CA2: variants seen among roughly 807,000 people sequenced by gnomAD.
CA2 encodes the protein carbonate dehydratase II.
Under a neutral mutation model 27.8 loss-of-function variants are expected in CA2, and 23 were observed. That is an observed-to-expected ratio of 0.83 (90% confidence interval 0.59 to 1.17). The LOEUF (loss-of-function observed/expected upper bound fraction) is 1.17. CA2 is among the 50% of genes most tolerant of loss of function. The pLI is 0.00. For missense variants in CA2, 300 were observed against 314.7 expected (o/e 0.95, Z 0.35); for synonymous variants, 99 against 114.9 (o/e 0.86, Z 0.88).
rs1467175488 is a variant in CA2, at chr8:85,480,911, C to G, written c.*122C>G. The G allele has an allele frequency of 4.2e-6, 4 of 959,708 alleles. No individual in the cohort carries two copies. In the Admixed American group the frequency reaches 7.9e-5, roughly 19 times the overall value. 59.4% of individuals were successfully genotyped at this position (959,708 alleles called of 1,614,324 possible). A position where few individuals can be genotyped will look rare whatever the true frequency, so the allele number is the denominator to read the frequency against. ...GTGTCTAGTTTTCTAGACCCTTCAT[C>G]TCTTACTTGATAGACTTACTAATAA... is the stretch of plus-strand genomic sequence containing the variant. On this transcript the variant is annotated 3_prime_UTR_variant, in exon 7 of 7. Transcript: ENST00000285379.
intron 6 of CA2, 127 bp downstream of exon 6, chr8:85,477,402 T>C (rs554186515): frequency 1.9e-6 from 2 of 1,041,158 alleles, no homozygotes; most frequent in African/African-American, 3.1e-5. Flanking sequence ...ATGGAAATAG[T>C]GCCTTTGATG....
In CA2 at chr8:85,480,859, C is replaced by T; in HGVS notation, c.*70C>T. ...TCCCTTTAGCTAAGCACAGATCTAC[C>T]TTGGTGATTTGGACCCTGGTTGCTT... is the stretch of plus-strand genomic sequence containing the variant. On this transcript the variant is annotated 3_prime_UTR_variant, in exon 7 of 7. Transcript: ENST00000285379. The T allele has an allele frequency of 6.4e-7, 1 of 1,562,304 alleles. No individual in the cohort carries two copies. The highest frequency in any genetic ancestry group is 1.7e-5 in the Admixed American group (1 of 59,188).
At chr8:85,477,496 G>C (rs1811820916) in intron 6 of CA2, among the ~76,000 whole-genome samples, 1 of 150,646 alleles carries the variant, frequency 6.6e-6, no homozygotes, top group African/African-American at 2.4e-5. Flanking sequence ...AAATTGAATA[G>C]TCATTGTAAG....
intron 5 of CA2, 25 bp downstream of exon 5, chr8:85,475,885 C>T (rs1303596714): frequency 6.3e-7 from 1 of 1,589,112 alleles, no homozygotes; most frequent in East Asian, 2.2e-5. Flanking sequence ...TCTGCCACCT[C>T]CTTAGGGTAC....
chr8:85,473,098 A>C (rs1302675234), intron 2 of CA2, among the ~76,000 whole-genome samples: 1 of 152,018 alleles, frequency 6.6e-6, no homozygotes, highest in Non-Finnish European at 1.5e-5. Context: ...ATTCTAAAGA[A>C]TTTGGGAAGC....
chr8:85,468,457 T>C (rs192711834), intron 2 of CA2, among the ~76,000 whole-genome samples: 1 of 152,326 alleles, frequency 6.6e-6, no homozygotes, highest in Non-Finnish European at 1.5e-5. Context: ...AATAAATTTT[T>C]AAAAATCATA....
chr8:85,464,197 G>C, intron 1 of CA2, 82 bp downstream of exon 1: 2 of 1,305,078 alleles, frequency 1.5e-6, no homozygotes, highest in East Asian at 2.8e-5. Context: ...ATGCCGGCCC[G>C]GGGCCCGCAG....
intron 5 of CA2, 28 bp from the exon 6 acceptor site, chr8:85,477,092 T>A (rs1021394340): frequency 6.2e-7 from 1 of 1,613,328 alleles, no homozygotes; most frequent in Non-Finnish European, 8.5e-7. Context: ...ATGTGATAGT[T>A]TGAAGCTGCG....
chr8:85,467,640 C>G (rs978101571), intron 2 of CA2, among the ~76,000 whole-genome samples: 1 of 152,176 alleles, frequency 6.6e-6, no homozygotes, highest in Non-Finnish European at 1.5e-5. Context: ...TTTTCTGAAG[C>G]ATACTGTTTA....
intron 2 of CA2, among the ~76,000 whole-genome samples, chr8:85,466,488 A>C (rs1271110432): frequency 6.6e-6 from 1 of 152,118 alleles, no homozygotes; most frequent in African/African-American, 2.4e-5. Context: ...TATATAGTCA[A>C]CTTGGTTTTG....
At chr8:85,464,142 G>T (rs1311611579) in intron 1 of CA2, 27 bp downstream of exon 1, 1 of 1,531,112 alleles carries the variant, frequency 6.5e-7, no homozygotes. Context: ...GCCAGCGCGG[G>T]GGCGCCCCGA....
At position 85,471,645 on chromosome 8, in the gene CA2, AC is replaced by A. The variant is rs565515680; in HGVS notation, c.233-2046del. On this transcript the variant is annotated intron_variant, in intron 2 of 6. Transcript: ENST00000285379. ...AGTATGGTTTTAGTTAGTTAGTTTT[AC>A]CACTTGGTAGAGTTAATGATTTGAC... Among the ~76,000 whole-genome samples, 41 of 152,224 alleles carry A rather than the reference AC, an allele frequency of 2.7e-4. No individual in the cohort carries two copies. The South Asian group carries it at 8.1e-3, about 30-fold the overall frequency.
At chr8:85,466,089 AT>A (rs1811624954) in intron 2 of CA2, among the ~76,000 whole-genome samples, 2 of 148,496 alleles carry the variant, frequency 1.3e-5, no homozygotes, top group Admixed American at 1.4e-4. Context: ...CAATTACCGT[AT>A]TTATTGGTAA....
chr8:85,479,770 A>C (rs1284286461), intron 6 of CA2, among the ~76,000 whole-genome samples: 4 of 152,214 alleles, frequency 2.6e-5, no homozygotes, highest in Admixed American at 2.6e-4. Flanking sequence ...TTGTTCACTA[A>C]AATGCTGTTT....
chr8:85,480,572 T>C, intron 6 of CA2, 98 bp from the exon 7 acceptor site: 1 of 1,250,178 alleles, frequency 8.0e-7, no homozygotes, highest in Non-Finnish European at 1.1e-6. Context: ...CATGAGCCAC[T>C]GCGCCTGGCC....
At chr8:85,471,797 AAAG>A (rs1811716873) in intron 2 of CA2, among the ~76,000 whole-genome samples, 1 of 152,012 alleles carries the variant, frequency 6.6e-6, no homozygotes, top group African/African-American at 2.4e-5. Context: ...TATTATGAAA[AAAG>A]GGAATTATTT....
intron 6 of CA2, among the ~76,000 whole-genome samples, chr8:85,478,631 C>T (rs1811841997): frequency 6.6e-6 from 1 of 152,206 alleles, no homozygotes; most frequent in African/African-American, 2.4e-5. Flanking sequence ...GCATTAATCC[C>T]TGTACCCTGA....
chr8:85,469,723 T>C (rs1309126541), intron 2 of CA2, among the ~76,000 whole-genome samples: 1 of 152,206 alleles, frequency 6.6e-6, no homozygotes, highest in Non-Finnish European at 1.5e-5. Flanking sequence ...ATATTGAAAG[T>C]CAATGCCAGA....
chr8:85,478,726 T>G (rs1412768799), intron 6 of CA2, among the ~76,000 whole-genome samples: 2 of 152,216 alleles, frequency 1.3e-5, no homozygotes, highest in Non-Finnish European at 2.9e-5. Flanking sequence ...CTCTTTTTTT[T>G]GTCCTATAAC....
Sources: allele counts gnomAD v4.1 joint callset (sites outside exome capture counted in the v4.1 genomes callset), GRCh38; gene constraint gnomAD v4.1.1; transcripts MANE v1.5; gene names NCBI Gene and HGNC (gene_info 2026-07-23, HGNC 2026-07-21).